The following POLA1 variants were observed in gnomAD, a reference collection of about 807,000 sequenced individuals.
The protein encoded by POLA1 is DNA polymerase alpha catalytic subunit.
In POLA1, 15 loss-of-function variants were observed where a neutral mutation model predicts 124.0. That is an observed-to-expected ratio of 0.12 (90% CI 0.08 to 0.19). POLA1 has a LOEUF of 0.19. Ranked by LOEUF, POLA1 falls within the 10% of genes least tolerant of loss-of-function variation. POLA1 has a pLI of 1.00. For synonymous variants in POLA1, 408 were observed against 389.4 expected, an observed-to-expected ratio of 1.05 and a Z score of -0.56; for missense variants, 886 against 1,103.4, an observed-to-expected ratio of 0.80 and a Z score of 2.79.
In POLA1 at chrX:24,996,404, C is replaced by G. The variant is rs2048608450; in HGVS notation, c.*454C>G. 8.7e-6 allele frequency: 1 copy of G among 114,381 alleles called. No homozygotes were observed. Among genetic ancestry groups the G allele is most frequent in the African/African-American group, 3.2e-5 (1 of 30,949 alleles). 9.4% of individuals were successfully genotyped at this position (114,381 alleles called of 1,213,427 possible). Reference sequence around the variant, plus strand: ...TATGCCAATTAAACCCGGTCTAAATCCAAATGCTTCTCCAGCCATCCAGGA... The same window carrying G: ...TATGCCAATTAAACCCGGTCTAAATGCAAATGCTTCTCCAGCCATCCAGGA... On this transcript the variant is annotated 3_prime_UTR_variant, in exon 37 of 37. Coordinates refer to ENST00000379068, the MANE Select transcript of POLA1 (RefSeq NM_001330360.2).
At chrX:24,968,519 G>A (rs1189134137) in intron 36 of POLA1, among the ~76,000 whole-genome samples, 2 of 110,213 alleles carry the variant, frequency 1.8e-5, no homozygotes, top group African/African-American at 3.3e-5. Context: ...CTAACACGGT[G>A]AAACCCTGTC....
intron 28 of POLA1, 115 bp downstream of exon 28, chrX:24,810,915 C>T (rs1358122947): frequency 1.2e-5 from 5 of 422,734 alleles, no homozygotes; most frequent in Non-Finnish European, 2.1e-5. Context: ...AAATAATAAA[C>T]TTGGTGTCTC....
chrX:24,956,529 A>G (rs993687279), intron 36 of POLA1, among the ~76,000 whole-genome samples: 4 of 110,197 alleles, frequency 3.6e-5, no homozygotes, highest in African/African-American at 1.3e-4. Flanking sequence ...CGGGGTAACA[A>G]AGACTCCCTG....
At chrX:24,711,841 A>T (rs898960033) in intron 4 of POLA1, among the ~76,000 whole-genome samples, 1 of 110,622 alleles carries the variant, frequency 9.0e-6, no homozygotes, top group Non-Finnish European at 1.9e-5. Context: ...GAGATGATCC[A>T]CCCGCCTTGG....
Position 24,699,449 on chromosome X carries a change from T to C in POLA1, c.68T>C (p.Val23Ala), listed in dbSNP as rs772497023. 4.2e-6 allele frequency: 5 copies of C among 1,180,627 alleles called. No individual in the cohort carries two copies. In the East Asian group the frequency reaches 1.5e-4, roughly 35 times the overall value. ...ASALSDSGSF[V>A]SSRARREKKS... ...GCTCTGTCAGATTCAGGGAGTTTTG[T>C]ATCTTCTCGAGCCCGGCGAGAAAAA... The change falls in exon 2 of 37, where the codon GTA becomes GCA. Residue 23 changes from valine to alanine, a missense_variant. By Grantham distance (64) the Val-to-Ala change is moderately conservative. Coordinates refer to ENST00000379068, the MANE Select transcript of POLA1 (RefSeq NM_001330360.2).
At chrX:24,828,414 A>G (rs2046208796) in intron 32 of POLA1, among the ~76,000 whole-genome samples, 1 of 111,890 alleles carries the variant, frequency 8.9e-6, no homozygotes, top group Admixed American at 9.5e-5. Context: ...TGTGATCTTA[A>G]CTACTGTGCT....
intron 36 of POLA1, among the ~76,000 whole-genome samples, chrX:24,960,785 C>T (rs1176621535): frequency 9.0e-6 from 1 of 111,325 alleles, no homozygotes; most frequent in Non-Finnish European, 1.9e-5. Flanking sequence ...CTTAGAGAAC[C>T]ATATCTGAGG....
At position 24,809,885 on chromosome X, in the gene POLA1, T is replaced by C. The variant is rs201745247; in HGVS notation, c.2965-13T>C. 14 of 1,044,913 alleles carry C rather than the reference T, an allele frequency of 1.3e-5. No homozygotes were observed. The highest frequency in any genetic ancestry group is 1.9e-5 in the African/African-American group (1 of 53,609). The allele number at this position is 1,044,913 out of a possible 1,213,427, so 86.1% of individuals were successfully genotyped here. Reference sequence around the variant, plus strand: ...TTGTGTAACTTATTAATCTTGACTTTTGTTTCATTTAGATTTTGATGCATA... The same window carrying C: ...TTGTGTAACTTATTAATCTTGACTTCTGTTTCATTTAGATTTTGATGCATA... On this transcript the variant is annotated splice_polypyrimidine_tract_variant and intron_variant, in intron 26 of 36. Coordinates refer to ENST00000379068, the MANE Select transcript of POLA1 (RefSeq NM_001330360.2).
rs369592800 is a variant in POLA1 at position 24,818,198 on chromosome X, AT to A, written c.3429+3100del. Among the ~76,000 whole-genome samples, 646 of 103,186 alleles carry A rather than the reference AT, an allele frequency of 6.3e-3. 3 individuals are homozygous for A. Among genetic ancestry groups the A allele is most frequent in the African/African-American group, 0.012 (349 of 28,744 alleles). The allele number at this position is 103,186 out of a possible 115,157, so 89.6% of individuals were successfully genotyped here. ...ACTTGAGCCTAAACCACCAGGAAGC[AT>A]TTTTTTTTTTTTAAATGAAGCCTTC... On this transcript the variant is annotated intron_variant, in intron 30 of 36. Transcript: ENST00000379068.
chrX:24,922,300 A>G lies in POLA1; in HGVS notation c.4165-8153A>G, dbSNP rs140085594. 5.2e-3 allele frequency among the ~76,000 whole-genome samples: 560 copies of G among 107,474 alleles called. 2 individuals carry two copies. The highest frequency in any genetic ancestry group is 0.018 in the African/African-American group (523 of 29,376). 93.3% of individuals were successfully genotyped at this position (107,474 alleles called of 115,157 possible). On this transcript the variant is annotated intron_variant, in intron 35 of 36. Coordinates refer to ENST00000379068, the MANE Select transcript of POLA1 (RefSeq NM_001330360.2). Reference sequence around the variant, plus strand: ...GCTATGTAACCCAGGCTGGTCCCAAACTCTTGGCCTCAAGTGACCTCTCCC... The same window carrying G: ...GCTATGTAACCCAGGCTGGTCCCAAGCTCTTGGCCTCAAGTGACCTCTCCC...
intron 36 of POLA1, among the ~76,000 whole-genome samples, chrX:24,994,126 G>C (rs1162123121): frequency 8.9e-6 from 1 of 112,429 alleles, no homozygotes; most frequent in Non-Finnish European, 1.9e-5. Context: ...CTGGCCTGCC[G>C]GGAGGCAGCC....
At chrX:24,790,340 C>A (rs753776567) in intron 26 of POLA1, among the ~76,000 whole-genome samples, 12 of 112,181 alleles carry the variant, frequency 1.1e-4, no homozygotes, top group Non-Finnish European at 2.3e-4. Context: ...CAATGTAATA[C>A]AAATGACCCT....
chrX:24,984,421 G>A (rs1250998124), intron 36 of POLA1, among the ~76,000 whole-genome samples: 2 of 111,786 alleles, frequency 1.8e-5, no homozygotes, highest in Non-Finnish European at 3.8e-5. Context: ...TCTAAGAAGA[G>A]CCAAGGAACA....
intron 22 of POLA1, among the ~76,000 whole-genome samples, chrX:24,742,484 G>A (rs1395367716): frequency 8.9e-6 from 1 of 112,067 alleles, no homozygotes; most frequent in South Asian, 3.7e-4. Context: ...CTTTATTTTT[G>A]TGTTGCATTT....
intron 36 of POLA1, among the ~76,000 whole-genome samples, chrX:24,944,681 A>C (rs149629953): frequency 5.4e-5 from 6 of 112,070 alleles, no homozygotes; most frequent in South Asian, 7.5e-4. Flanking sequence ...GGCTCAAATG[A>C]TGTAAGCTCT....
At chrX:24,903,423 T>A (rs999628693) in intron 35 of POLA1, among the ~76,000 whole-genome samples, 1 of 112,333 alleles carries the variant, frequency 8.9e-6, no homozygotes, top group Non-Finnish European at 1.9e-5. Context: ...ATTAAACTTA[T>A]TGAATATTGT....
At chrX:24,795,919 T>C (rs1416342225) in intron 26 of POLA1, among the ~76,000 whole-genome samples, 4 of 111,793 alleles carry the variant, frequency 3.6e-5, no homozygotes, top group African/African-American at 1.3e-4. Flanking sequence ...CATTTGATGT[T>C]ATAAAATCTA....
intron 35 of POLA1, among the ~76,000 whole-genome samples, chrX:24,913,895 G>A (rs1488967115): frequency 1.8e-5 from 2 of 109,489 alleles, no homozygotes; most frequent in African/African-American, 6.7e-5. Flanking sequence ...AGGCGTGGTG[G>A]CATGCGTGTG....
chrX:24,892,290 A>G (rs1000115113), intron 35 of POLA1, among the ~76,000 whole-genome samples: 4 of 111,174 alleles, frequency 3.6e-5, no homozygotes, highest in African/African-American at 1.3e-4. Context: ...ATTTTGATGC[A>G]TGTTTAAGTT....
Sources: gnomAD v4.1 joint callset for allele counts (sites outside exome capture counted in the v4.1 genomes callset) on GRCh38, gnomAD v4.1.1 for gene constraint, MANE v1.5 for transcripts, NCBI Gene and HGNC (gene_info 2026-07-23, HGNC 2026-07-21) for gene names.